The following ZNF521 variants were observed in gnomAD, a reference collection of about 807,000 sequenced individuals.
ZNF521 encodes LYST-interacting protein 3.
ZNF521 carries 14 observed loss-of-function variants against 105.5 expected under a neutral mutation model. That is an observed-to-expected ratio of 0.13 (90% CI 0.09 to 0.21). The LOEUF is 0.21. Among genes scored for constraint, ZNF521 ranks in the 10% least tolerant of loss-of-function variants. ZNF521 has a pLI of 1.00. For synonymous variants in ZNF521, 635 were observed against 606.0 expected (o/e 1.05, Z -0.70); for missense variants, 1,233 against 1,629.7 (o/e 0.76, Z 4.19).
chr18:25,102,585 A>T (rs963411200), intron 5 of ZNF521, among the ~76,000 whole-genome samples: 9 of 152,118 alleles, frequency 5.9e-5, no homozygotes, highest in Admixed American at 1.3e-4. Context: ...AGAGTACAGT[A>T]TATGTGCTCA....
chr18:25,082,893 G>A (rs1402927923), intron 7 of ZNF521, among the ~76,000 whole-genome samples: 5 of 136,956 alleles, frequency 3.7e-5, no homozygotes, highest in African/African-American at 8.1e-5. Flanking sequence ...GAAATAAAAA[G>A]TAAGCCCTTG....
intron 3 of ZNF521, among the ~76,000 whole-genome samples, chr18:25,280,960 C>T (rs905805660): frequency 2.0e-5 from 3 of 152,112 alleles, no homozygotes; most frequent in Non-Finnish European, 2.9e-5. Flanking sequence ...AATCCCTTTC[C>T]GCTCATACTA....
chr18:25,344,988 T>C (rs1019520378), intron 2 of ZNF521, among the ~76,000 whole-genome samples: 2 of 152,232 alleles, frequency 1.3e-5, no homozygotes, highest in African/African-American at 4.8e-5. Context: ...TCTTTTCTAC[T>C]ATCAAAACCT....
At position 25,224,579 on chromosome 18, in the gene ZNF521, C is replaced by G. The variant is rs149562357; in HGVS notation, c.3339G>C (p.Thr1113=). The change falls in exon 4 of 8, where the codon ACG becomes ACC. Residue 1113 remains threonine (T), a synonymous_variant. Transcript: ENST00000361524. The stretch of plus-strand genomic sequence containing the variant: ...CATTCTGGCCCAAGCCTGGTCTATT[C>G]GTGCCGGGAGGGACGTTAATGCCTG... ...ASPGINVPPG[T]NRPGLGQNEN... 3.7e-6 allele frequency: 6 copies of G among 1,613,904 alleles called. No individual in the cohort carries two copies. Among genetic ancestry groups the G allele is most frequent in the African/African-American group, 2.7e-5 (2 of 74,892 alleles).
At chr18:25,170,866 T>A (rs562568959) in intron 5 of ZNF521, among the ~76,000 whole-genome samples, 11 of 152,156 alleles carry the variant, frequency 7.2e-5, no homozygotes, top group South Asian at 6.2e-4. Context: ...TTTGCATTTA[T>A]GAGTTAAAAA....
chr18:25,198,758 C>A (rs1000847621), intron 4 of ZNF521, among the ~76,000 whole-genome samples: 2 of 151,746 alleles, frequency 1.3e-5, no homozygotes, highest in Non-Finnish European at 2.9e-5. Context: ...GAAAGCTTTT[C>A]TTTATAGAAG....
chr18:25,184,453 T>C (rs1347510404), intron 5 of ZNF521, among the ~76,000 whole-genome samples: 1 of 152,234 alleles, frequency 6.6e-6, no homozygotes, highest in African/African-American at 2.4e-5. Flanking sequence ...GTGGAGACTC[T>C]TGCTTTTGAA....
chr18:25,327,733 ACT>A (rs1337567300), intron 2 of ZNF521: 15 of 516,536 alleles, frequency 2.9e-5, no homozygotes, highest in African/African-American at 2.7e-4. Context: ...TAAATCGCAC[ACT>A]GTTATAAAAT....
chr18:25,120,876 A>G (rs1483745934), intron 5 of ZNF521, among the ~76,000 whole-genome samples: 1 of 151,854 alleles, frequency 6.6e-6, no homozygotes, highest in Non-Finnish European at 1.5e-5. Flanking sequence ...TTTCACCTTC[A>G]CTCTGCAGTA....
At chr18:25,107,607 G>A (rs988187640) in intron 5 of ZNF521, among the ~76,000 whole-genome samples, 3 of 152,190 alleles carry the variant, frequency 2.0e-5, no homozygotes, top group Admixed American at 1.3e-4. Context: ...GCAGCTATGT[G>A]TACCACTAAA....
chr18:25,171,017 C>T (rs946297848), intron 5 of ZNF521, among the ~76,000 whole-genome samples: 6 of 152,086 alleles, frequency 3.9e-5, no homozygotes, highest in African/African-American at 1.4e-4. Flanking sequence ...CTGTCTATAT[C>T]ATGTACCTTT....
chr18:25,214,589 T>G (rs1199784734), intron 4 of ZNF521, among the ~76,000 whole-genome samples: 4 of 152,206 alleles, frequency 2.6e-5, no homozygotes, highest in Non-Finnish European at 1.5e-5. Context: ...TGAAATGTAT[T>G]TATCCTTCAG....
chr18:25,200,103 C>T (rs1185979849), intron 4 of ZNF521, among the ~76,000 whole-genome samples: 2 of 152,086 alleles, frequency 1.3e-5, no homozygotes, highest in African/African-American at 2.4e-5. Flanking sequence ...TACTGTCTTT[C>T]ACACACTGGA....
At chr18:25,121,109 G>GAAT (rs2034432246) in intron 5 of ZNF521, among the ~76,000 whole-genome samples, 1 of 56,544 alleles carries the variant, frequency 1.8e-5, no homozygotes, top group Non-Finnish European at 4.0e-5. Flanking sequence ...GGAAGAAGGA[G>GAAT]TATTTTTTTT....
At chr18:25,239,259 T>C (rs568269642) in intron 3 of ZNF521, among the ~76,000 whole-genome samples, 5 of 152,292 alleles carry the variant, frequency 3.3e-5, no homozygotes, top group African/African-American at 1.2e-4. Flanking sequence ...TGTAAGAGCG[T>C]TGGCAGCAGC....
chr18:25,272,792 A>T (rs1909748903), intron 3 of ZNF521, among the ~76,000 whole-genome samples: 2 of 152,228 alleles, frequency 1.3e-5, no homozygotes, highest in Non-Finnish European at 2.9e-5. Context: ...GGATAGCATT[A>T]GGAGAAATAT....
At chr18:25,160,244 C>T (rs1015180193) in intron 5 of ZNF521, among the ~76,000 whole-genome samples, 4 of 152,228 alleles carry the variant, frequency 2.6e-5, no homozygotes, top group South Asian at 4.2e-4. Context: ...AACTTTTGCC[C>T]GTCAGAGGAT....
chr18:25,125,810 A>C (rs900327550), intron 5 of ZNF521, among the ~76,000 whole-genome samples: 4 of 151,696 alleles, frequency 2.6e-5, no homozygotes, highest in Non-Finnish European at 5.9e-5. Context: ...CTTGCTTGCT[A>C]TCCAGTAGTG....
chr18:25,066,521 G>A (rs1220131634), intron 7 of ZNF521, among the ~76,000 whole-genome samples: 4 of 152,152 alleles, frequency 2.6e-5, no homozygotes, highest in Admixed American at 1.3e-4. Flanking sequence ...CTCTGGTCTC[G>A]ACTAAAGATT....
Sources: allele counts gnomAD v4.1 joint callset (sites outside exome capture counted in the v4.1 genomes callset), GRCh38; gene constraint gnomAD v4.1.1; transcripts MANE v1.5; gene names NCBI Gene and HGNC (gene_info 2026-07-23, HGNC 2026-07-21).